The following NDUFA7 variants were observed in gnomAD, a reference collection of about 807,000 sequenced individuals.
The protein encoded by NDUFA7 is NADH dehydrogenase [ubiquinone] 1 alpha subcomplex subunit 7.
In NDUFA7, 18 loss-of-function variants were observed where a neutral mutation model predicts 14.2. The observed-to-expected ratio is 1.27, with a 90% CI of 0.88 to 1.88. The LOEUF is 1.88. NDUFA7 is among the 40% of genes most tolerant of loss of function. NDUFA7 has a pLI of 0.00. For synonymous variants in NDUFA7, 75 were observed against 62.1 expected (o/e 1.21, Z -0.98); for missense variants, 172 against 147.3 (o/e 1.17, Z -0.87).
intron 2 of NDUFA7, among the ~76,000 whole-genome samples, chr19:8,319,987 CCG>C: frequency 6.6e-6 from 1 of 151,902 alleles, no homozygotes; most frequent in Non-Finnish European, 1.5e-5. Context: ...CTGGGACTAC[CCG>C]CGCGCGCCAC....
rs761331974 is a variant in NDUFA7 at position 8,320,950 on chromosome 19, G to GTA, written c.52-45_52-44insTA. 2.3e-5 allele frequency: 37 copies of GTA among 1,610,496 alleles called. No homozygotes were observed. In the East Asian group the frequency reaches 8.2e-4, roughly 36 times the overall value. The stretch of plus-strand genomic sequence containing the variant: ...AGAGGTCGGCCTGCAAGGCACCCCA[G>GTA]GAGAGAGGAAAGGAGAGGGCAAGGG... On this transcript the variant is annotated intron_variant, in intron 1 of 3. Transcript: ENST00000301457.
intron 2 of NDUFA7, among the ~76,000 whole-genome samples, chr19:8,318,745 G>A (rs1371017143): frequency 6.0e-5 from 9 of 148,784 alleles, no homozygotes; most frequent in African/African-American, 9.9e-5. Context: ...AGGCCGAGGC[G>A]GGCAGATCAC....
chr19:8,313,986 G>A (rs7249111), intron 3 of NDUFA7, among the ~76,000 whole-genome samples: 23,152 of 152,216 alleles, frequency 0.15, 3,893 homozygotes, highest in African/African-American at 0.42. Flanking sequence ...GGACCAAACT[G>A]CTTTTTGAGA....
downstream of NDUFA7, among the ~76,000 whole-genome samples, chr19:8,310,949 G>A (rs1199730001): frequency 6.6e-6 from 1 of 152,170 alleles, no homozygotes; most frequent in Non-Finnish European, 1.5e-5. Context: ...AGGAGGCAGA[G>A]GTTGCAGTGA....
At chr19:8,314,088 G>A (rs1176881828) in intron 3 of NDUFA7, among the ~76,000 whole-genome samples, 9 of 151,686 alleles carry the variant, frequency 5.9e-5, no homozygotes, top group South Asian at 2.1e-4. Flanking sequence ...TTGGGAGGCC[G>A]AGGCCAGAGG....
intron 3 of NDUFA7, among the ~76,000 whole-genome samples, chr19:8,314,947 A>G (rs1237443303): frequency 6.6e-6 from 1 of 152,218 alleles, no homozygotes; most frequent in African/African-American, 2.4e-5. Context: ...GAAAGTAGAC[A>G]TAAGAGACTC....
rs1297992009 is a variant in NDUFA7 at position 8,320,857 on chromosome 19, C to T, written c.101G>A (p.Arg34Gln). ...TGGGCAGCGAGCGGGGCCTGCTCAC[C>T]GCTTGGAGATCTCCTGGTAGCGTAG... ...LQLRYQEISK[R>Q]TQPPPKLPVG... The change falls in exon 2 of 4, where the codon CGA becomes CAA. Residue 34 changes from arginine to glutamine, a missense_variant and splice_region_variant. By Grantham distance (43) the Arg-to-Gln change is conservative. Transcript: ENST00000301457. 1 of 1,613,676 alleles carries T rather than the reference C, an allele frequency of 6.2e-7. No individual in the cohort carries two copies. The highest frequency in any genetic ancestry group is 1.1e-5 in the South Asian group (1 of 91,084).
chr19:8,321,325 G>A lies in NDUFA7; in HGVS notation c.34C>T (p.Arg12Trp). ...CCGCGCACCCCGGACGCCCAGTTCC[G>A]CAGCCGCTGGATGAGACGGGTGGCG... The part of the protein sequence containing the change: ...ASATRLIQRL[R>W]NWASGHDLQG... The change falls in exon 1 of 4, where the codon CGG becomes TGG. Residue 12 changes from arginine (R) to tryptophan (W), a missense_variant. By Grantham distance (101) the Arg-to-Trp change is moderately radical. Transcript: ENST00000301457. The A allele has an allele frequency of 1.3e-6, 2 of 1,578,670 alleles. No homozygotes were observed. Among genetic ancestry groups the A allele is most frequent in the African/African-American group, 1.3e-5 (1 of 74,570 alleles).
At chr19:8,309,737 C>T (rs1370651009), downstream of NDUFA7, among the ~76,000 whole-genome samples, 1 of 152,130 alleles carries the variant, frequency 6.6e-6, no homozygotes, top group South Asian at 2.1e-4. Flanking sequence ...GAGGGCAGGG[C>T]GGTCTCAGCA....
At chr19:8,308,944 G>C (rs1218797069), downstream of NDUFA7, 3 of 152,100 alleles carry the variant, frequency 2.0e-5, no homozygotes, top group Non-Finnish European at 2.9e-5. Flanking sequence ...ATAAAGGCCG[G>C]GCGCGGTGGG....
intron 1 of NDUFA7, 122 bp downstream of exon 1, chr19:8,321,186 T>C (rs1970303829): frequency 8.0e-7 from 1 of 1,253,482 alleles, no homozygotes; most frequent in East Asian, 2.6e-5. Flanking sequence ...AGCTGGGGGT[T>C]CCCAGGGAGA....
chr19:8,312,679 T>A (rs1347072106), intron 3 of NDUFA7, among the ~76,000 whole-genome samples: 1 of 152,144 alleles, frequency 6.6e-6, no homozygotes, highest in Non-Finnish European at 1.5e-5. Flanking sequence ...TTATTATTTA[T>A]GAGACAGGGT....
chr19:8,316,033 C>T (rs913734162), intron 3 of NDUFA7, among the ~76,000 whole-genome samples: 2 of 151,392 alleles, frequency 1.3e-5, no homozygotes, highest in Admixed American at 1.3e-4. Flanking sequence ...ACTTGTAACC[C>T]CAGCTACTTG....
At chr19:8,314,121 A>G (rs1018894570) in intron 3 of NDUFA7, among the ~76,000 whole-genome samples, 12 of 152,122 alleles carry the variant, frequency 7.9e-5, no homozygotes. Flanking sequence ...CAGGAGTTCA[A>G]GACCGGCCTG....
At position 8,321,331 on chromosome 19, in the gene NDUFA7, G is replaced by A. The variant is rs767069854; in HGVS notation, c.28C>T (p.Arg10Trp). MASATRLIQRLRNWASGHDL... is the reference protein window; with the variant it reads MASATRLIQWLRNWASGHDL... ...ACCCCGGACGCCCAGTTCCGCAGCC[G>A]CTGGATGAGACGGGTGGCGGACGCC... is the stretch of plus-strand genomic sequence containing the variant. Residue 10 changes from arginine (R) to tryptophan (W), a missense_variant, in exon 1 of 4, where the codon CGG (arginine) becomes TGG (tryptophan). Coordinates refer to ENST00000301457, the MANE Select transcript of NDUFA7 (RefSeq NM_005001.5). The A allele has an allele frequency of 5.7e-6, 9 of 1,580,286 alleles. No individual in the cohort carries two copies. In the African/African-American group the frequency reaches 1.1e-4, roughly 19 times the overall value.
chr19:8,309,196 C>A (rs374574020), downstream of NDUFA7, among the ~76,000 whole-genome samples: 13 of 151,182 alleles, frequency 8.6e-5, no homozygotes, highest in East Asian at 1.6e-3. Flanking sequence ...AAAAGTTGGC[C>A]GGCGCGCTGG....
intron 2 of NDUFA7, among the ~76,000 whole-genome samples, chr19:8,318,236 C>T (rs946786007): frequency 1.7e-4 from 26 of 151,630 alleles, no homozygotes; most frequent in African/African-American, 5.3e-4. Flanking sequence ...CTGCAACCTC[C>T]GCCTCCCAGG....
chr19:8,321,118 A>G (rs888853075), intron 1 of NDUFA7, 190 bp downstream of exon 1: 29 of 893,826 alleles, frequency 3.2e-5, no homozygotes, highest in Admixed American at 5.5e-5. Context: ...GGACTGGGGA[A>G]ATCCCAGGCC....
Position 8,315,247 on chromosome 19 carries a change from G to A in NDUFA7, c.251+1249C>T, listed in dbSNP as rs140037867. 1.2e-3 allele frequency among the ~76,000 whole-genome samples: 177 copies of A among 152,280 alleles called. 1 individual carries two copies. Among genetic ancestry groups the A allele is most frequent in the African/African-American group, 4.2e-3 (173 of 41,548 alleles). ...CTCGTGGGAAAGGAAAGACCTGACC[G>A]TCCCCCAGCCCGACACCGGTAAAGG... On this transcript the variant is annotated intron_variant, in intron 3 of 3. Transcript: ENST00000301457.
Sources: allele counts gnomAD v4.1 joint callset (sites outside exome capture counted in the v4.1 genomes callset), GRCh38; gene constraint gnomAD v4.1.1; transcripts MANE v1.5; gene names NCBI Gene and HGNC (gene_info 2026-07-23, HGNC 2026-07-21).